Variants in ZNF804A observed in about 807,000 individuals in gnomAD.
ZNF804A encodes zinc finger protein 804A.
A neutral mutation model predicts 16.5 loss-of-function variants in ZNF804A; 2 were observed. That is an observed-to-expected ratio of 0.12 (90% CI 0.05 to 0.38). The LOEUF (loss-of-function observed/expected upper bound fraction) is 0.38. ZNF804A is among the 10% of genes least tolerant of loss of function. The pLI is 0.99. For missense variants in ZNF804A, 1,473 were observed against 1,390.7 expected (o/e 1.06, Z -0.94); for synonymous variants, 534 against 489.6 (o/e 1.09, Z -1.20).
At chr2:184,771,174 A>T (rs1471312876) in intron 1 of ZNF804A, among the ~76,000 whole-genome samples, 1 of 152,092 alleles carries the variant, frequency 6.6e-6, no homozygotes, top group Non-Finnish European at 1.5e-5. Flanking sequence ...ACATTCTTTG[A>T]TTCTAACTAT....
chr2:184,933,324 C>T (rs1314564934), intron 2 of ZNF804A, among the ~76,000 whole-genome samples: 1 of 152,054 alleles, frequency 6.6e-6, no homozygotes, highest in Non-Finnish European at 1.5e-5. Flanking sequence ...CGCAGAGAAA[C>T]AGCAGGAAAT....
chr2:184,809,649 T>C (rs1405330089), intron 1 of ZNF804A, among the ~76,000 whole-genome samples: 1 of 151,952 alleles, frequency 6.6e-6, no homozygotes, highest in Admixed American at 6.6e-5. Flanking sequence ...ATATACTATA[T>C]ATTTTATGGT....
chr2:184,786,959 T>C (rs1169889213), intron 1 of ZNF804A, among the ~76,000 whole-genome samples: 2 of 151,924 alleles, frequency 1.3e-5, no homozygotes, highest in Admixed American at 1.3e-4. Context: ...ATTTAAAAAC[T>C]AATATTAATA....
At chr2:184,879,971 T>G (rs1208795083) in intron 2 of ZNF804A, among the ~76,000 whole-genome samples, 1 of 152,088 alleles carries the variant, frequency 6.6e-6, no homozygotes, top group African/African-American at 2.4e-5. Context: ...CACATTTTTT[T>G]CTAAGCATAC....
chr2:184,711,138 C>A (rs913642398), intron 1 of ZNF804A, among the ~76,000 whole-genome samples: 2 of 151,700 alleles, frequency 1.3e-5, no homozygotes, highest in African/African-American at 4.8e-5. Flanking sequence ...ACAAGTGTTC[C>A]AATTTCTCCA....
intron 1 of ZNF804A, among the ~76,000 whole-genome samples, chr2:184,736,942 G>GT (rs550024050): frequency 1.4e-4 from 20 of 147,976 alleles, no homozygotes; most frequent in African/African-American, 4.0e-4. Context: ...ACATTCTTGT[G>GT]TTTTTTCTGT....
chr2:184,830,109 C>CA (rs1695239019), intron 1 of ZNF804A, among the ~76,000 whole-genome samples: 1 of 118,914 alleles, frequency 8.4e-6, no homozygotes, highest in South Asian at 2.4e-4. Context: ...AACACACCCA[C>CA]CCACACACAC....
intron 1 of ZNF804A, among the ~76,000 whole-genome samples, chr2:184,788,688 C>T (rs533248377): frequency 5.1e-4 from 78 of 152,082 alleles, no homozygotes; most frequent in South Asian, 1.5e-3. Context: ...GATTTTGTAT[C>T]CTGTGACTTT....
chr2:184,671,155 C>T (rs1217357778), intron 1 of ZNF804A, among the ~76,000 whole-genome samples: 2 of 152,154 alleles, frequency 1.3e-5, no homozygotes, highest in Non-Finnish European at 2.9e-5. Context: ...TTTTCTTGGA[C>T]AAGGTGTGCC....
intron 1 of ZNF804A, among the ~76,000 whole-genome samples, chr2:184,865,697 C>G (rs1224899485): frequency 6.6e-6 from 1 of 152,000 alleles, no homozygotes; most frequent in Admixed American, 6.6e-5. Flanking sequence ...ATATCACTGT[C>G]TTTATTTACT....
chr2:184,717,792 TC>T (rs1285612329), intron 1 of ZNF804A, among the ~76,000 whole-genome samples: 2 of 152,204 alleles, frequency 1.3e-5, no homozygotes, highest in Non-Finnish European at 2.9e-5. Flanking sequence ...GTCTATCACT[TC>T]AAGTATTTAT....
chr2:184,614,937 G>A (rs1385828874), intron 1 of ZNF804A, among the ~76,000 whole-genome samples: 1 of 152,202 alleles, frequency 6.6e-6, no homozygotes, highest in Non-Finnish European at 1.5e-5. Flanking sequence ...CACTGTTGGT[G>A]GGAGTGTAAA....
At chr2:184,619,157 C>G (rs1014420878) in intron 1 of ZNF804A, among the ~76,000 whole-genome samples, 2 of 151,966 alleles carry the variant, frequency 1.3e-5, no homozygotes, top group Admixed American at 6.6e-5. Flanking sequence ...AAAGAGGTTT[C>G]TTATTCTTTC....
intron 1 of ZNF804A, among the ~76,000 whole-genome samples, chr2:184,687,431 T>C (rs1261596709): frequency 6.6e-6 from 1 of 152,226 alleles, no homozygotes; most frequent in Non-Finnish European, 1.5e-5. Context: ...GTCAGATCAG[T>C]ACAACATGTA....
chr2:184,857,407 C>G (rs142910221), intron 1 of ZNF804A, among the ~76,000 whole-genome samples: 18 of 151,898 alleles, frequency 1.2e-4, no homozygotes, highest in African/African-American at 4.4e-4. Context: ...TATAGGCTAT[C>G]CAGGAGAATG....
chr2:184,711,893 A>T (rs1336834560), intron 1 of ZNF804A, among the ~76,000 whole-genome samples: 1 of 151,638 alleles, frequency 6.6e-6, no homozygotes, highest in Non-Finnish European at 1.5e-5. Flanking sequence ...ATTGTAGTGT[A>T]TTTTGAAATT....
intron 1 of ZNF804A, among the ~76,000 whole-genome samples, chr2:184,787,265 G>A (rs568537889): frequency 5.3e-5 from 8 of 151,814 alleles, no homozygotes; most frequent in Non-Finnish European, 7.4e-5. Context: ...ACTGATAGAC[G>A]CTTAGGTTGG....
intron 2 of ZNF804A, 106 bp downstream of exon 2, chr2:184,866,618 G>T (rs1695880628): frequency 3.0e-6 from 3 of 1,003,032 alleles, no homozygotes; most frequent in Non-Finnish European, 4.1e-6. Context: ...AATTTAATTT[G>T]CTGTACAGTT....
intron 1 of ZNF804A, among the ~76,000 whole-genome samples, chr2:184,721,905 T>TA (rs1172668953): frequency 6.6e-6 from 1 of 152,008 alleles, no homozygotes; most frequent in Non-Finnish European, 1.5e-5. Flanking sequence ...TTCTAGGTCA[T>TA]AAAAAAATGA....
Sources: gnomAD v4.1 joint callset for allele counts (sites outside exome capture counted in the v4.1 genomes callset) on GRCh38, gnomAD v4.1.1 for gene constraint, MANE v1.5 for transcripts, NCBI Gene and HGNC (gene_info 2026-07-23, HGNC 2026-07-21) for gene names.